The following SPIRE1 variants were observed in gnomAD, a reference collection of about 807,000 sequenced individuals.
SPIRE1 encodes the protein protein spire homolog 1.
SPIRE1 carries 40 observed loss-of-function variants against 94.1 expected under a neutral mutation model. The observed-to-expected ratio is 0.43, with a 90% CI of 0.33 to 0.55. SPIRE1 has a LOEUF of 0.55. Ranked by LOEUF, SPIRE1 falls within the 20% of genes least tolerant of loss-of-function variation. The pLI is 0.06. For synonymous variants in SPIRE1, 376 were observed against 371.7 expected, an observed-to-expected ratio of 1.01 and a Z score of -0.13; for missense variants, 838 against 975.2, an observed-to-expected ratio of 0.86 and a Z score of 1.87.
intron 2 of SPIRE1, among the ~76,000 whole-genome samples, chr18:12,591,968 C>CAAAAAAAAAAAA (rs35668057): frequency 2.2e-4 from 15 of 67,442 alleles, no homozygotes; most frequent in African/African-American, 8.6e-4. Flanking sequence ...GACTCCATCT[C>CAAAAAAAAAAAA]AAAAAAAAAA....
At chr18:12,530,543 C>A (rs2034652778) in intron 4 of SPIRE1, among the ~76,000 whole-genome samples, 1 of 152,116 alleles carries the variant, frequency 6.6e-6, no homozygotes, top group Non-Finnish European at 1.5e-5. Flanking sequence ...GCTTCTCAGG[C>A]TGGTCTCAAA....
At chr18:12,640,803 C>T (rs1303025133) in intron 1 of SPIRE1, among the ~76,000 whole-genome samples, 1 of 152,114 alleles carries the variant, frequency 6.6e-6, no homozygotes, top group Non-Finnish European at 1.5e-5. Context: ...TGTGTTTAGA[C>T]AGGCAGGGGG....
chr18:12,627,699 C>T (rs1207249999), intron 2 of SPIRE1, among the ~76,000 whole-genome samples: 1 of 152,132 alleles, frequency 6.6e-6, no homozygotes, highest in African/African-American at 2.4e-5. Flanking sequence ...CCTATTTCTC[C>T]ACATCATCTC....
intron 9 of SPIRE1, among the ~76,000 whole-genome samples, chr18:12,484,832 T>C (rs1272168940): frequency 6.6e-6 from 1 of 152,280 alleles, no homozygotes; most frequent in East Asian, 1.9e-4. Flanking sequence ...CCAAGGTTGG[T>C]GAATTGCTTG....
intron 8 of SPIRE1, among the ~76,000 whole-genome samples, chr18:12,491,864 G>A (rs950660849): frequency 6.6e-6 from 1 of 152,144 alleles, no homozygotes; most frequent in African/African-American, 2.4e-5. Flanking sequence ...AGTGGCTGCT[G>A]GGCTGAGAAG....
chr18:12,508,118 C>T (rs1598422385), intron 5 of SPIRE1, among the ~76,000 whole-genome samples: 2 of 151,598 alleles, frequency 1.3e-5, no homozygotes, highest in South Asian at 4.2e-4. Flanking sequence ...TGCACTCCAG[C>T]CTGACGACAG....
chr18:12,655,476 C>T (rs897916111), intron 1 of SPIRE1, among the ~76,000 whole-genome samples: 3 of 152,262 alleles, frequency 2.0e-5, no homozygotes, highest in East Asian at 3.9e-4. Flanking sequence ...ACAGAAAATG[C>T]TCAAGTCTCT....
intron 4 of SPIRE1, among the ~76,000 whole-genome samples, chr18:12,523,276 G>A (rs1053685872): frequency 1.3e-5 from 2 of 152,212 alleles, no homozygotes; most frequent in African/African-American, 4.8e-5. Flanking sequence ...GCAATCTCAT[G>A]AGAAAACTTG....
At chr18:12,637,204 A>G (rs193212644) in intron 1 of SPIRE1, among the ~76,000 whole-genome samples, 4 of 152,240 alleles carry the variant, frequency 2.6e-5, no homozygotes, top group Admixed American at 2.6e-4. Context: ...TTAAAAATAC[A>G]AAACATTAGC....
chr18:12,541,974 G>A (rs1322078238), intron 3 of SPIRE1, among the ~76,000 whole-genome samples: 1 of 150,958 alleles, frequency 6.6e-6, no homozygotes, highest in Non-Finnish European at 1.5e-5. Flanking sequence ...AATTATTAAT[G>A]AGGCTTTTTT....
chr18:12,657,897 C>G lies in SPIRE1; in HGVS notation c.-31G>C. 1 of 1,033,022 alleles carries G rather than the reference C, an allele frequency of 9.7e-7. No homozygotes were observed. The highest frequency in any genetic ancestry group is 1.2e-6 in the Non-Finnish European group (1 of 863,894). 64.0% of individuals were successfully genotyped at this position (1,033,022 alleles called of 1,614,324 possible). A position where few individuals can be genotyped will look rare whatever the true frequency, so the allele number is the denominator to read the frequency against. On this transcript the variant is annotated 5_prime_UTR_variant, in exon 1 of 17. Transcript: ENST00000409402. ...GGGTGGGCGCTGCGCTCGGCAGTCGCGCCGTGTGCCGGCGTCTCCTCAGCT... is the reference window on the plus strand; with the variant it reads ...GGGTGGGCGCTGCGCTCGGCAGTCGGGCCGTGTGCCGGCGTCTCCTCAGCT...
intron 1 of SPIRE1, among the ~76,000 whole-genome samples, chr18:12,639,644 T>A (rs776360675): frequency 6.6e-5 from 10 of 151,892 alleles, no homozygotes; most frequent in African/African-American, 2.4e-4. Context: ...AGGCAGAGAA[T>A]TGCTTGAACC....
At chr18:12,617,159 ATT>A (rs60768224) in intron 2 of SPIRE1, among the ~76,000 whole-genome samples, 25,129 of 137,390 alleles carry the variant, frequency 0.18, 2,424 homozygotes, top group Middle Eastern at 0.24. Context: ...CATGCTCACT[ATT>A]TTTTTTTTTT....
At chr18:12,588,801 CTTTTA>C (rs1290982333) in intron 2 of SPIRE1, among the ~76,000 whole-genome samples, 1 of 152,052 alleles carries the variant, frequency 6.6e-6, no homozygotes, top group Non-Finnish European at 1.5e-5. Context: ...CTTCAGGGTT[CTTTTA>C]TTAAGCCTTT....
intron 6 of SPIRE1, among the ~76,000 whole-genome samples, chr18:12,498,981 C>T (rs1165294696): frequency 6.6e-6 from 1 of 152,132 alleles, no homozygotes; most frequent in Non-Finnish European, 1.5e-5. Context: ...CCAGGCTACT[C>T]TCAAACTCCT....
intron 2 of SPIRE1, among the ~76,000 whole-genome samples, chr18:12,612,448 T>C (rs747492617): frequency 1.3e-5 from 2 of 152,190 alleles, no homozygotes; most frequent in African/African-American, 2.4e-5. Context: ...CTTCTCTATT[T>C]ACCCTCATTC....
At chr18:12,602,135 C>A (rs1036744456) in intron 2 of SPIRE1, among the ~76,000 whole-genome samples, 13 of 152,120 alleles carry the variant, frequency 8.5e-5, no homozygotes, top group African/African-American at 3.1e-4. Context: ...TATACACACA[C>A]ACATACACAT....
chr18:12,609,185 G>T (rs1467105713), intron 2 of SPIRE1, among the ~76,000 whole-genome samples: 1 of 152,162 alleles, frequency 6.6e-6, no homozygotes, highest in African/African-American at 2.4e-5. Context: ...TTCCTAACAG[G>T]CTGCGTCTGT....
rs149729704 is a variant in SPIRE1 at position 12,495,316 on chromosome 18, T to C, written c.1059+700A>G. Among the ~76,000 whole-genome samples the C allele has an allele frequency of 2.4e-3, 363 of 152,330 alleles. 2 individuals carry two copies. The highest frequency in any genetic ancestry group is 7.6e-3 in the African/African-American group (314 of 41,576). Reference sequence around the variant, plus strand: ...AGTCTATGGTTGCTAGAAAGAACTCTGTTAACAGAGGAACATGATAATTAA... The same window carrying C: ...AGTCTATGGTTGCTAGAAAGAACTCCGTTAACAGAGGAACATGATAATTAA... On this transcript the variant is annotated intron_variant, in intron 7 of 16. Transcript: ENST00000409402.
Sources: gnomAD v4.1 joint callset for allele counts (sites outside exome capture counted in the v4.1 genomes callset) on GRCh38, gnomAD v4.1.1 for gene constraint, MANE v1.5 for transcripts, NCBI Gene and HGNC (gene_info 2026-07-23, HGNC 2026-07-21) for gene names.